Variants in GBF1 observed in about 807,000 individuals in gnomAD.
GBF1 encodes the protein golgi brefeldin A resistant guanine nucleotide exchange factor 1, also known as Golgi-specific brefeldin A-resistance guanine nucleotide exchange factor 1.
A neutral mutation model predicts 210.5 loss-of-function variants in GBF1; 114 were observed. The observed-to-expected ratio is 0.54, with a 90% CI of 0.47 to 0.63. The LOEUF is 0.63. GBF1 is among the 30% of genes least tolerant of loss of function. The probability of loss-of-function intolerance (pLI) is 0.00; values close to 1 mark genes in which losing one functional copy is unlikely to be tolerated. For missense variants in GBF1, 1,851 were observed against 2,357.7 expected (o/e 0.79, Z 4.45); for synonymous variants, 850 against 889.2 (o/e 0.96, Z 0.78).
intron 3 of GBF1, among the ~76,000 whole-genome samples, chr10:102,307,650 G>C (rs902720262): frequency 1.3e-5 from 2 of 152,114 alleles, no homozygotes; most frequent in Non-Finnish European, 2.9e-5. Flanking sequence ...AATTAGCCGG[G>C]CGTGGTGGCG....
At chr10:102,231,253 A>C in the GBF1 span, 1 of 817,774 alleles carries the variant, frequency 1.2e-6, no homozygotes. Flanking sequence ...GAGCGCACGG[A>C]GTCCGGGGTC....
At chr10:102,293,769 G>GTTTTTTTTTTTTTT in intron 3 of GBF1, among the ~76,000 whole-genome samples, 1 of 27,770 alleles carries the variant, frequency 3.6e-5, no homozygotes, top group Non-Finnish European at 6.2e-5. Context: ...AGTATGTTTT[G>GTTTTTTTTTTTTTT]TGTTTTTTTT....
At chr10:102,357,546 C>T (rs185006115) in intron 8 of GBF1, among the ~76,000 whole-genome samples, 9 of 151,554 alleles carry the variant, frequency 5.9e-5, no homozygotes, top group African/African-American at 1.9e-4. Context: ...AGTAAGAAAA[C>T]CAGGACAGGA....
chr10:102,240,658 T>C (rs1045551482), upstream of GBF1, among the ~76,000 whole-genome samples: 1 of 152,198 alleles, frequency 6.6e-6, no homozygotes, highest in South Asian at 2.1e-4. Context: ...CCGAGCCCCA[T>C]GCACCGCGGA....
At position 102,370,689 on chromosome 10, in the gene GBF1, T is replaced by C. The variant is rs1258719051; in HGVS notation, c.3507-18T>C. ...CCCCTCTGGCTGAGACTATCTTCAT[T>C]CCTTTATGTCTACACAGGGATCGTG... On this transcript the variant is annotated intron_variant, in intron 28 of 39. Transcript: ENST00000369983. 1 of 1,612,246 alleles carries C rather than the reference T, an allele frequency of 6.2e-7. No individual in the cohort carries two copies. The highest frequency in any genetic ancestry group is 1.1e-5 in the South Asian group (1 of 91,034).
intron 3 of GBF1, among the ~76,000 whole-genome samples, chr10:102,287,232 C>T (rs1328465991): frequency 6.6e-6 from 1 of 151,480 alleles, no homozygotes; most frequent in Non-Finnish European, 1.5e-5. Flanking sequence ...ATTACCCCAA[C>T]AAATTACCTC....
intron 3 of GBF1, among the ~76,000 whole-genome samples, chr10:102,284,863 T>C (rs1462068023): frequency 6.6e-6 from 1 of 152,214 alleles, no homozygotes; most frequent in East Asian, 1.9e-4. Context: ...AGCTGAACCA[T>C]ACTACATTCC....
chr10:102,311,584 G>A (rs2078437410), intron 3 of GBF1, among the ~76,000 whole-genome samples: 1 of 152,204 alleles, frequency 6.6e-6, no homozygotes, highest in Admixed American at 6.5e-5. Flanking sequence ...ACGAACCTTG[G>A]TTTGCTAAGG....
At position 102,376,602 on chromosome 10, in the gene GBF1, C is replaced by A; in HGVS notation, c.4090C>A (p.Arg1364Ser). ...TGATAACTCCAAGCCAGGGCCCAGC[C>A]GCCCAGGCCCTTCACCCCTGATCAA... ...DVDNSKPGPS[R>S]PGPSPLINQY... The change falls in exon 32 of 40, where the codon CGC becomes AGC. Residue 1364 changes from arginine to serine, a missense_variant. This residue lies in a region of GBF1 where 967 missense variants were observed against 1,247.7 expected (regional missense o/e 0.78). Transcript: ENST00000369983. 1 of 1,613,322 alleles carries A rather than the reference C, an allele frequency of 6.2e-7. No individual in the cohort carries two copies. Among genetic ancestry groups the A allele is most frequent in the Non-Finnish European group, 8.5e-7 (1 of 1,179,272 alleles).
At chr10:102,246,588 G>A (rs1401290903) in intron 1 of GBF1, among the ~76,000 whole-genome samples, 3 of 152,182 alleles carry the variant, frequency 2.0e-5, no homozygotes, top group African/African-American at 7.2e-5. Flanking sequence ...GGCAAAGTTT[G>A]GTATTGTCGG....
intron 3 of GBF1, among the ~76,000 whole-genome samples, chr10:102,300,906 G>A (rs945432350): frequency 6.6e-6 from 1 of 151,020 alleles, no homozygotes; most frequent in Admixed American, 6.6e-5. Context: ...TTTAGTTCTC[G>A]TTAATTATGC....
intron 3 of GBF1, among the ~76,000 whole-genome samples, chr10:102,332,967 C>T (rs532250895): frequency 2.4e-4 from 36 of 152,312 alleles, no homozygotes; most frequent in African/African-American, 8.4e-4. Flanking sequence ...ACAGGACTTG[C>T]CTTCCCTCCA....
chr10:102,302,189 G>T (rs978133775), intron 3 of GBF1, among the ~76,000 whole-genome samples: 2 of 152,220 alleles, frequency 1.3e-5, no homozygotes, highest in Non-Finnish European at 2.9e-5. Context: ...CAGGCAGGGA[G>T]GTTGCAGTGA....
Position 102,293,771 on chromosome 10 carries a change from G to GTTTTTTTTT in GBF1, c.163+33671_163+33679dup, listed in dbSNP as rs56722082. The stretch of plus-strand genomic sequence containing the variant: ...TTTGTACAGCTGTAGTATGTTTTGT[G>GTTTTTTTTT]TTTTTTTTTTTTTTTTTTTTTTTTG... On this transcript the variant is annotated intron_variant, in intron 3 of 39. Transcript: ENST00000369983. Among the ~76,000 whole-genome samples, 38 of 22,894 alleles carry GTTTTTTTTT rather than the reference G, an allele frequency of 1.7e-3. 2 individuals carry two copies. Among genetic ancestry groups the GTTTTTTTTT allele is most frequent in the African/African-American group, 8.0e-3 (37 of 4,628 alleles). The allele number at this position is 22,894 out of a possible 152,430, so 15.0% of individuals were successfully genotyped here. A position where few individuals can be genotyped will look rare whatever the true frequency, so the allele number is the denominator to read the frequency against.
chr10:102,250,933 G>C (rs1049378017), intron 1 of GBF1, among the ~76,000 whole-genome samples: 1 of 151,648 alleles, frequency 6.6e-6, no homozygotes, highest in Non-Finnish European at 1.5e-5. Context: ...CTCCAGCCTA[G>C]ACGACAAGAG....
chr10:102,323,077 G>T (rs1398712997), intron 3 of GBF1, among the ~76,000 whole-genome samples: 1 of 151,918 alleles, frequency 6.6e-6, no homozygotes, highest in Non-Finnish European at 1.5e-5. Flanking sequence ...TCTTCTCACA[G>T]TCTCTCCTGT....
intron 30 of GBF1, 83 bp from the exon 31 acceptor site, chr10:102,376,189 T>C: frequency 9.3e-7 from 1 of 1,073,794 alleles, no homozygotes; most frequent in African/African-American, 1.6e-5. Flanking sequence ...GGCCTCAGCA[T>C]CTTTTTTCTG....
chr10:102,265,891 C>T (rs2073813081), intron 3 of GBF1, among the ~76,000 whole-genome samples: 1 of 152,024 alleles, frequency 6.6e-6, no homozygotes, highest in African/African-American at 2.4e-5. Flanking sequence ...CTTTTTAGCT[C>T]TGAGGACCTA....
intron 1 of GBF1, among the ~76,000 whole-genome samples, chr10:102,253,334 C>T (rs1012323465): frequency 6.6e-6 from 1 of 152,158 alleles, no homozygotes; most frequent in South Asian, 2.1e-4. Flanking sequence ...CACTCCCTGC[C>T]GCTTGCCACT....
Sources: gnomAD v4.1 joint callset for allele counts (sites outside exome capture counted in the v4.1 genomes callset) on GRCh38, gnomAD v4.1.1 for gene constraint, gnomAD v4.1.1 regional missense constraint, MANE v1.5 for transcripts, NCBI Gene and HGNC (gene_info 2026-07-23, HGNC 2026-07-21) for gene names.